Variants in GJC1 observed in about 807,000 individuals in gnomAD.
GJC1 encodes gap junction protein gamma 1.
Under a neutral mutation model 29.3 loss-of-function variants are expected in GJC1, and 5 were observed. The ratio of observed to expected loss-of-function variants is 0.17; its 90% CI spans 0.09 to 0.36. The LOEUF is 0.36. Ranked by LOEUF, GJC1 falls within the 10% of genes least tolerant of loss-of-function variation. The probability of loss-of-function intolerance (pLI) is 1.00; values close to 1 mark genes in which losing one functional copy is unlikely to be tolerated. For missense variants in GJC1, 310 were observed against 496.2 expected (o/e 0.62, Z 3.56); for synonymous variants, 177 against 183.3 (o/e 0.97, Z 0.28).
At chr17:44,809,826 C>T (rs1213665729) in intron 1 of GJC1, among the ~76,000 whole-genome samples, 2 of 151,734 alleles carry the variant, frequency 1.3e-5, no homozygotes, top group East Asian at 1.9e-4. Flanking sequence ...CTCGGCCTCC[C>T]GAAGTGCTGG....
At chr17:44,795,649 G>A (rs1041007542), downstream of GJC1, among the ~76,000 whole-genome samples, 1 of 152,206 alleles carries the variant, frequency 6.6e-6, no homozygotes, top group African/African-American at 2.4e-5. Flanking sequence ...CAAACTTCTA[G>A]GTGAGCATAC....
At chr17:44,813,386 G>A (rs1289121211) in intron 1 of GJC1, 1 of 151,308 alleles carries the variant, frequency 6.6e-6, no homozygotes, top group Non-Finnish European at 1.5e-5. Flanking sequence ...AAAGAACCAT[G>A]AGTTTCCTAA....
chr17:44,795,301 C>T (rs1299204726), downstream of GJC1, among the ~76,000 whole-genome samples: 1 of 152,200 alleles, frequency 6.6e-6, no homozygotes, highest in Non-Finnish European at 1.5e-5. Flanking sequence ...GATCTTGACT[C>T]ACTGCAACCT....
At chr17:44,810,830 G>T (rs2049971545) in intron 1 of GJC1, among the ~76,000 whole-genome samples, 1 of 151,950 alleles carries the variant, frequency 6.6e-6, no homozygotes, top group Non-Finnish European at 1.5e-5. Flanking sequence ...CTGGAGTGCA[G>T]TGGTGCAGAC....
intron 1 of GJC1, among the ~76,000 whole-genome samples, chr17:44,829,084 TTAAC>T (rs748475871): frequency 3.3e-5 from 5 of 150,900 alleles, no homozygotes; most frequent in Non-Finnish European, 5.9e-5. Context: ...TTATTCAAAC[TTAAC>T]TTACTCGATT....
At chr17:44,818,513 A>G (rs1479214287) in intron 1 of GJC1, among the ~76,000 whole-genome samples, 4 of 151,754 alleles carry the variant, frequency 2.6e-5, no homozygotes, top group Admixed American at 2.6e-4. Flanking sequence ...CATGTTAAAA[A>G]AAAAAAAAAA....
chr17:44,821,471 G>A (rs951654077), intron 1 of GJC1, among the ~76,000 whole-genome samples: 2 of 152,016 alleles, frequency 1.3e-5, no homozygotes, highest in African/African-American at 4.8e-5. Context: ...GCTGAGGCAG[G>A]CGGATCACCT....
rs146583035 is a variant in GJC1 at position 44,827,795 on chromosome 17, C to T, written c.-97+2267G>A. Reference sequence around the variant, plus strand: ...AAACTACAAAAAAAAATTAGCCAGGCGTGGTGGCGGGTACCTGTAGTCCCA... The same window carrying T: ...AAACTACAAAAAAAAATTAGCCAGGTGTGGTGGCGGGTACCTGTAGTCCCA... On this transcript the variant is annotated intron_variant, in intron 1 of 2. Transcript: ENST00000592524. Among the ~76,000 whole-genome samples the T allele has an allele frequency of 5.1e-3, 776 of 151,894 alleles. 10 individuals carry two copies. Among genetic ancestry groups the T allele is most frequent in the African/African-American group, 0.018 (747 of 41,422 alleles).
At chr17:44,819,582 C>CA (rs1296242903) in intron 1 of GJC1, among the ~76,000 whole-genome samples, 3 of 151,716 alleles carry the variant, frequency 2.0e-5, no homozygotes, top group African/African-American at 7.3e-5. Flanking sequence ...AGCGTGAACC[C>CA]AGGAGGCAGA....
At chr17:44,819,936 C>T (rs534161425) in intron 1 of GJC1, among the ~76,000 whole-genome samples, 19 of 152,096 alleles carry the variant, frequency 1.2e-4, no homozygotes, top group South Asian at 8.3e-4. Flanking sequence ...CGGCTCAATG[C>T]AACCTCTGCC....
chr17:44,831,339 A>T (rs2050228353), upstream of GJC1, among the ~76,000 whole-genome samples: 1 of 152,222 alleles, frequency 6.6e-6, no homozygotes, highest in South Asian at 2.1e-4. Context: ...AAAGCTGCTT[A>T]CTTTGAGCTT....
intron 1 of GJC1, among the ~76,000 whole-genome samples, chr17:44,822,568 G>A (rs1425071364): frequency 4.7e-5 from 7 of 150,408 alleles, no homozygotes; most frequent in African/African-American, 1.2e-4. Context: ...GCCTGAAACC[G>A]GGAGGCAGAG....
intron 2 of GJC1, among the ~76,000 whole-genome samples, chr17:44,806,426 G>A (rs767032407): frequency 2.3e-5 from 3 of 130,386 alleles, no homozygotes; most frequent in African/African-American, 9.0e-5. Context: ...TTTTGAGACA[G>A]TTTCCCTCTT....
At chr17:44,818,441 AAAC>A (rs945161587) in intron 1 of GJC1, among the ~76,000 whole-genome samples, 9 of 152,064 alleles carry the variant, frequency 5.9e-5, no homozygotes, top group Non-Finnish European at 1.3e-4. Context: ...GGAGACCACA[AAAC>A]AACTATTAAC....
chr17:44,804,711 C>T lies in GJC1; in HGVS notation c.1107G>A (p.Lys369=). ...QNNPHGPREK[K]AKVGSKAGSN... Reference sequence around the variant, plus strand: ...ACCCAGCTTTGGACCCCACTTTGGCCTTCTTCTCCCGGGGACCATGAGGGT... The same window carrying T: ...ACCCAGCTTTGGACCCCACTTTGGCTTTCTTCTCCCGGGGACCATGAGGGT... The change falls in exon 3 of 3, where the codon AAG becomes AAA. Residue 369 remains lysine, a synonymous_variant. Coordinates refer to ENST00000592524, the MANE Select transcript of GJC1 (RefSeq NM_005497.4). The T allele has an allele frequency of 1.2e-6, 2 of 1,614,212 alleles. No homozygotes were observed. The highest frequency in any genetic ancestry group is 2.2e-5 in the South Asian group (2 of 91,078).
At chr17:44,822,029 C>T (rs1365679029) in intron 1 of GJC1, among the ~76,000 whole-genome samples, 1 of 151,316 alleles carries the variant, frequency 6.6e-6, no homozygotes. Flanking sequence ...AATCCTGTCT[C>T]TGCTAAAAAT....
chr17:44,819,536 T>C (rs892782407), intron 1 of GJC1, among the ~76,000 whole-genome samples: 2 of 151,786 alleles, frequency 1.3e-5, no homozygotes, highest in African/African-American at 2.4e-5. Flanking sequence ...CAGGCGCCTG[T>C]AGTCCCAGCT....
At chr17:44,827,637 A>G (rs1052853503) in intron 1 of GJC1, among the ~76,000 whole-genome samples, 2 of 149,156 alleles carry the variant, frequency 1.3e-5, no homozygotes, top group Non-Finnish European at 3.0e-5. Context: ...AATGTCTTTG[A>G]AAAAAAAAAG....
At chr17:44,814,669 G>A (rs186724839) in intron 1 of GJC1, among the ~76,000 whole-genome samples, 232 of 152,216 alleles carry the variant, frequency 1.5e-3, no homozygotes, top group Middle Eastern at 6.8e-3. Context: ...TAGGGCCGGA[G>A]CGATGGCTCA....
Sources: gnomAD v4.1 joint callset for allele counts (sites outside exome capture counted in the v4.1 genomes callset) on GRCh38, gnomAD v4.1.1 for gene constraint, MANE v1.5 for transcripts, NCBI Gene and HGNC (gene_info 2026-07-23, HGNC 2026-07-21) for gene names.